Variants in ITGA9 observed in about 807,000 individuals in gnomAD.
ITGA9 encodes the protein integrin subunit alpha 9.
A neutral mutation model predicts 127.8 loss-of-function variants in ITGA9; 56 were observed. The observed-to-expected ratio is 0.44, with a 90% CI of 0.35 to 0.55. The LOEUF is 0.55. Among genes scored for constraint, ITGA9 ranks in the 20% least tolerant of loss-of-function variants. The pLI, the probability that ITGA9 is intolerant of heterozygous loss-of-function variation, is 0.00. For synonymous variants in ITGA9, 508 were observed against 514.5 expected (o/e 0.99, Z 0.17); for missense variants, 1,196 against 1,347.1 (o/e 0.89, Z 1.76).
intron 16 of ITGA9, among the ~76,000 whole-genome samples, chr3:37,649,211 A>G (rs919658258): frequency 6.6e-6 from 1 of 152,154 alleles, no homozygotes; most frequent in African/African-American, 2.4e-5. Context: ...CAAAATGGCA[A>G]TAGTAAATCT....
Position 37,508,608 on chromosome 3 carries a change from T to C in ITGA9, c.878T>C (p.Phe293Ser), listed in dbSNP as rs770245904. The change falls in exon 8 of 28, where the codon TTT (phenylalanine) becomes TCT (serine). Residue 293 changes from phenylalanine to serine, a missense_variant. Physicochemically the swap from Phe to Ser is radical, Grantham distance 155. Coordinates refer to ENST00000264741, the MANE Select transcript of ITGA9 (RefSeq NM_002207.3). The stretch of plus-strand genomic sequence containing the variant: ...AGATCAGGCACCTTAATTAAGATCT[T>C]TCAAGCATCAGGTAAAAAGGTGAGG... ...DRRSGTLIKI[F>S]QASGKKMGSY... 3.1e-6 allele frequency: 5 copies of C among 1,613,772 alleles called. No homozygotes were observed. The highest frequency in any genetic ancestry group is 1.3e-5 in the African/African-American group (1 of 74,926).
intron 23 of ITGA9, among the ~76,000 whole-genome samples, chr3:37,751,175 G>C (rs1016908855): frequency 6.6e-6 from 1 of 152,240 alleles, no homozygotes; most frequent in Non-Finnish European, 1.5e-5. Flanking sequence ...AGACGCATGT[G>C]AATGTTGAAT....
At chr3:37,595,835 C>T (rs564358129) in intron 15 of ITGA9, among the ~76,000 whole-genome samples, 1 of 152,348 alleles carries the variant, frequency 6.6e-6, no homozygotes, top group African/African-American at 2.4e-5. Context: ...GACCGCCGAC[C>T]TTGTGTGTTT....
At chr3:37,612,674 C>G (rs1299447337) in intron 15 of ITGA9, among the ~76,000 whole-genome samples, 1 of 152,220 alleles carries the variant, frequency 6.6e-6, no homozygotes, top group Non-Finnish European at 1.5e-5. Flanking sequence ...TTAAGATATG[C>G]TTTTGGTTGA....
In ITGA9 at chr3:37,678,157, T is replaced by A. The variant is rs184116679; in HGVS notation, c.1917-5708T>A. On this transcript the variant is annotated intron_variant, in intron 17 of 27. Coordinates refer to ENST00000264741, the MANE Select transcript of ITGA9 (RefSeq NM_002207.3). ...ATGGGGGAACAAATGTCTCTTTGAG[T>A]TCCTGCTTTCAGTTCATTGGGTAAT... is the stretch of plus-strand genomic sequence containing the variant. Among the ~76,000 whole-genome samples the A allele has an allele frequency of 8.5e-3, 1,300 of 152,366 alleles. 13 individuals carry two copies. Among genetic ancestry groups the A allele is most frequent in the Non-Finnish European group, 0.015 (996 of 68,038 alleles).
intron 15 of ITGA9, among the ~76,000 whole-genome samples, chr3:37,611,935 T>G (rs1251555691): frequency 6.6e-6 from 1 of 152,140 alleles, no homozygotes; most frequent in Non-Finnish European, 1.5e-5. Flanking sequence ...CTCTGAGCAC[T>G]GAAGCAGCTT....
chr3:37,680,935 A>G (rs561034982), intron 17 of ITGA9, among the ~76,000 whole-genome samples: 2 of 152,244 alleles, frequency 1.3e-5, no homozygotes, highest in Admixed American at 6.5e-5. Context: ...TCTTAAGTTA[A>G]TTTTTCACAT....
rs1326994405 is a variant in ITGA9 at position 37,552,947 on chromosome 3, G to A, written c.1689+10362G>A. Among the ~76,000 whole-genome samples the A allele has an allele frequency of 2.0e-5, 3 of 151,502 alleles. No homozygotes were observed. In the East Asian group the frequency reaches 5.8e-4, roughly 29 times the overall value. ...GGAGAATTGTTTGAATCTGGTAGGC[G>A]GAGGTTGCAGTGAGCCAAGATTGTG... is the stretch of plus-strand genomic sequence containing the variant. On this transcript the variant is annotated intron_variant, in intron 15 of 27. Coordinates refer to ENST00000264741, the MANE Select transcript of ITGA9 (RefSeq NM_002207.3).
intron 27 of ITGA9, chr3:37,808,608 T>G (rs1035702123): frequency 4.6e-5 from 7 of 152,338 alleles, no homozygotes; most frequent in Admixed American, 4.6e-4. Flanking sequence ...AACCATTACA[T>G]CTGACAAATT....
chr3:37,615,666 G>GT (rs1700066983), intron 15 of ITGA9, among the ~76,000 whole-genome samples: 1 of 152,222 alleles, frequency 6.6e-6, no homozygotes, highest in Admixed American at 6.5e-5. Context: ...TCTATTCAGA[G>GT]ATTCAACTTC....
chr3:37,456,820 T>C (rs981964051), intron 1 of ITGA9, among the ~76,000 whole-genome samples: 1 of 152,234 alleles, frequency 6.6e-6, no homozygotes, highest in East Asian at 1.9e-4. Flanking sequence ...ATAGTTCTGG[T>C]GAGCTGTCTG....
intron 1 of ITGA9, among the ~76,000 whole-genome samples, chr3:37,455,883 T>G (rs1052303445): frequency 2.0e-5 from 3 of 152,194 alleles, no homozygotes; most frequent in African/African-American, 7.2e-5. Context: ...TTGAGGGACC[T>G]GCGGGTGTAC....
Position 37,676,049 on chromosome 3 carries a change from A to G in ITGA9, c.1917-7816A>G, listed in dbSNP as rs115601667. On this transcript the variant is annotated intron_variant, in intron 17 of 27. Coordinates refer to ENST00000264741, the MANE Select transcript of ITGA9 (RefSeq NM_002207.3). ...GAGTCATCACGCCCGGCCCAAAACT[A>G]TTTACTTTCATTTTTACCCAAATTT... Among the ~76,000 whole-genome samples, 307 of 152,200 alleles carry G rather than the reference A, an allele frequency of 2.0e-3. 1 individual carries two copies. The highest frequency in any genetic ancestry group is 6.4e-3 in the African/African-American group (266 of 41,526).
At chr3:37,747,324 G>A (rs1391223669) in intron 22 of ITGA9, among the ~76,000 whole-genome samples, 3 of 151,988 alleles carry the variant, frequency 2.0e-5, no homozygotes, top group Non-Finnish European at 4.4e-5. Flanking sequence ...TTTTGATACA[G>A]GCATGCAGTG....
At chr3:37,674,618 C>T (rs1272540169) in intron 17 of ITGA9, among the ~76,000 whole-genome samples, 1 of 152,148 alleles carries the variant, frequency 6.6e-6, no homozygotes, top group Non-Finnish European at 1.5e-5. Flanking sequence ...ATGGCAGGGG[C>T]AATGTTCAAA....
At chr3:37,735,580 T>C (rs1189081177) in intron 19 of ITGA9, among the ~76,000 whole-genome samples, 1 of 152,246 alleles carries the variant, frequency 6.6e-6, no homozygotes, top group Non-Finnish European at 1.5e-5. Context: ...AGAACCGTTT[T>C]GTCCAACCTC....
intron 15 of ITGA9, among the ~76,000 whole-genome samples, chr3:37,604,811 G>C (rs551904915): frequency 2.2e-4 from 34 of 152,308 alleles, no homozygotes; most frequent in African/African-American, 7.7e-4. Context: ...AAATCATGCA[G>C]AGGTTCTCAG....
intron 1 of ITGA9, among the ~76,000 whole-genome samples, chr3:37,466,028 AAAATG>A (rs1698366303): frequency 6.6e-6 from 1 of 152,122 alleles, no homozygotes; most frequent in Non-Finnish European, 1.5e-5. Flanking sequence ...CCCTATCTGT[AAAATG>A]GGGATAATAT....
chr3:37,685,998 C>T (rs992411165), intron 18 of ITGA9, among the ~76,000 whole-genome samples: 20 of 152,128 alleles, frequency 1.3e-4, no homozygotes, highest in Non-Finnish European at 1.9e-4. Flanking sequence ...AAAAATTCCT[C>T]TTATTCTGTA....
Sources: allele counts gnomAD v4.1 joint callset (sites outside exome capture counted in the v4.1 genomes callset), GRCh38; gene constraint gnomAD v4.1.1; transcripts MANE v1.5; gene names NCBI Gene and HGNC (gene_info 2026-07-23, HGNC 2026-07-21).